CDH26: variants seen among roughly 807,000 people sequenced by gnomAD.
The protein encoded by CDH26 is cadherin 26.
A neutral mutation model predicts 90.3 loss-of-function variants in CDH26; 83 were observed. The observed-to-expected ratio is 0.92, with a 90% CI of 0.77 to 1.10. CDH26 has a LOEUF of 1.10. Ranked by LOEUF, CDH26 falls within the 50% of genes least tolerant of loss-of-function variation. CDH26 has a pLI of 0.00. For synonymous variants in CDH26, 397 were observed against 396.3 expected, an observed-to-expected ratio of 1.00 and a Z score of -0.02; for missense variants, 1,013 against 1,037.6, an observed-to-expected ratio of 0.98 and a Z score of 0.33.
intron 1 of CDH26, among the ~76,000 whole-genome samples, chr20:59,959,373 T>C (rs1190419671): frequency 6.6e-6 from 1 of 151,636 alleles, no homozygotes. Flanking sequence ...GTGTTGGGTT[T>C]ACAGGCATGA....
At chr20:60,007,990 C>A (rs2061776658) in intron 17 of CDH26, among the ~76,000 whole-genome samples, 1 of 152,168 alleles carries the variant, frequency 6.6e-6, no homozygotes, top group South Asian at 2.1e-4. Context: ...GCTGGGCAAA[C>A]CCATGGGCAG....
At chr20:60,021,210 A>T (rs969048854) in intron 7 of CDH26, among the ~76,000 whole-genome samples, 11 of 152,330 alleles carry the variant, frequency 7.2e-5, no homozygotes, top group Middle Eastern at 6.8e-3. Context: ...CTGAGTCTGA[A>T]TTGTTGGTAA....
rs1013427503 is a variant in CDH26, at chr20:60,012,387, G to T, written c.2296-140G>T. ...ATGGCTGCCACTTCTGGAACTGTAC[G>T]AACTCCTGTGTCAGCTGAGGACACG... On this transcript the variant is annotated intron_variant, in intron 17 of 17. Coordinates refer to ENST00000348616, the MANE Select transcript of CDH26 (RefSeq NM_177980.4). 3.2e-5 allele frequency: 23 copies of T among 707,790 alleles called. No homozygotes were observed. The East Asian group carries it at 6.3e-4, about 19-fold the overall frequency. The allele number at this position is 707,790 out of a possible 1,614,324, so 43.8% of individuals were successfully genotyped here.
chr20:59,996,780 T>G lies in CDH26; in HGVS notation c.2019+19T>G. ...AGCCCAGGTAGTGGAATGTCATGCTTTGTGTCTTATGGCAAGGAATTCACT... is the reference window on the plus strand; with the variant it reads ...AGCCCAGGTAGTGGAATGTCATGCTGTGTGTCTTATGGCAAGGAATTCACT... On this transcript the variant is annotated intron_variant, in intron 13 of 17. Coordinates refer to ENST00000348616, the MANE Select transcript of CDH26 (RefSeq NM_177980.4). 6.2e-7 allele frequency: 1 copy of G among 1,614,190 alleles called. No homozygotes were observed. The highest frequency in any genetic ancestry group is 2.2e-5 in the East Asian group (1 of 44,884).
chr20:59,974,500 C>G (rs986835664), intron 4 of CDH26, among the ~76,000 whole-genome samples: 3 of 152,130 alleles, frequency 2.0e-5, no homozygotes, highest in African/African-American at 7.2e-5. Context: ...GTTGGAAATG[C>G]TTGGTGCATC....
In CDH26 at chr20:59,994,311, C is replaced by T. The variant is rs750047284; in HGVS notation, c.1488C>T (p.Asn496=). Residue 496 remains asparagine, a synonymous_variant, in exon 11 of 18, where the codon AAC becomes AAT. Coordinates refer to ENST00000348616, the MANE Select transcript of CDH26 (RefSeq NM_177980.4). ...LMLFLSDIND[N]VPTLRPRSRY... is the part of the protein sequence containing the mutation. ...TCTTCCTGTCTGACATCAATGACAA[C>T]GTCCCGACTCTCCGGCCACGTTCCC... is the stretch of plus-strand genomic sequence containing the variant. 13 of 1,613,860 alleles carry T rather than the reference C, an allele frequency of 8.1e-6. No individual in the cohort carries two copies. The highest frequency in any genetic ancestry group is 1.1e-5 in the Non-Finnish European group (13 of 1,180,022).
chr20:59,965,824 A>T (rs972200048), intron 1 of CDH26, among the ~76,000 whole-genome samples: 1 of 152,220 alleles, frequency 6.6e-6, no homozygotes. Context: ...ACTCCGTTCC[A>T]TTAAAATCCA....
At chr20:60,015,010 T>A (rs2061893300), downstream of CDH26, among the ~76,000 whole-genome samples, 1 of 152,212 alleles carries the variant, frequency 6.6e-6, no homozygotes, top group Admixed American at 6.5e-5. Flanking sequence ...TGAGACAAAG[T>A]CTCACTTTAT....
At chr20:59,966,644 T>C (rs1246527454) in intron 1 of CDH26, among the ~76,000 whole-genome samples, 2 of 152,242 alleles carry the variant, frequency 1.3e-5, no homozygotes, top group East Asian at 3.8e-4. Flanking sequence ...GTTATTGTTT[T>C]GCACCATCAG....
At chr20:60,027,695 G>A (rs1601230637) in intron 7 of CDH26, among the ~76,000 whole-genome samples, 1 of 152,214 alleles carries the variant, frequency 6.6e-6, no homozygotes, top group East Asian at 1.9e-4. Flanking sequence ...CTGGCCGACA[G>A]CAGGATCTGC....
chr20:59,967,813 ATTTCTTTCTTTC>A (rs1204879152), intron 1 of CDH26, among the ~76,000 whole-genome samples: 2,024 of 43,922 alleles, frequency 0.046, 75 homozygotes, highest in East Asian at 0.093. Flanking sequence ...TCCCTCCCTC[ATTTCTTTCTTTC>A]TTTCTTTCTT....
intron 9 of CDH26, among the ~76,000 whole-genome samples, 169 bp downstream of exon 9, chr20:59,989,332 TC>T (rs1385265095): frequency 6.6e-6 from 1 of 151,326 alleles, no homozygotes; most frequent in East Asian, 1.9e-4. Flanking sequence ...ATCGAGACCA[TC>T]CTGGCTAACA....
chr20:59,983,185 C>T lies in CDH26; in HGVS notation c.541+115C>T, dbSNP rs142995525. 2.8e-5 allele frequency: 34 copies of T among 1,235,390 alleles called. No homozygotes were observed. In the East Asian group the frequency reaches 8.1e-4, roughly 30 times the overall value. The allele number at this position is 1,235,390 out of a possible 1,614,324, so 76.5% of individuals were successfully genotyped here. A position where few individuals can be genotyped will look rare whatever the true frequency, so the allele number is the denominator to read the frequency against. ...CTTCAGGGAGAGTTTTTACTGTTCA[C>T]ATCTCAAAGATCGCAGGCCTTGGAT... On this transcript the variant is annotated intron_variant, in intron 5 of 17. Transcript: ENST00000348616.
At chr20:60,001,251 AG>A in intron 14 of CDH26, 91 bp from the exon 15 acceptor site, 1 of 1,471,252 alleles carries the variant, frequency 6.8e-7, no homozygotes, top group Non-Finnish European at 9.4e-7. Context: ...TATATGAGCA[AG>A]GGGAAGTGGT....
intron 17 of CDH26, 31 bp downstream of exon 17, chr20:60,006,818 A>G (rs195005): frequency 0.085 from 132,062 of 1,554,652 alleles, 15,701 homozygotes; most frequent in African/African-American, 0.58. Context: ...GCTGTGCACT[A>G]GCTATGGGTT....
At chr20:60,009,460 A>G (rs1348766802) in intron 17 of CDH26, among the ~76,000 whole-genome samples, 1 of 152,234 alleles carries the variant, frequency 6.6e-6, no homozygotes, top group African/African-American at 2.4e-5. Context: ...GCACATGCAC[A>G]CATACCGCTC....
intron 17 of CDH26, among the ~76,000 whole-genome samples, chr20:60,007,360 A>G (rs73131338): frequency 0.049 from 7,417 of 152,320 alleles, 250 homozygotes; most frequent in Non-Finnish European, 0.073. Context: ...ACTGGGGATT[A>G]GCCCAGGAGG....
At chr20:60,000,067 T>G (rs2061655725) in intron 14 of CDH26, among the ~76,000 whole-genome samples, 1 of 152,174 alleles carries the variant, frequency 6.6e-6, no homozygotes, top group Non-Finnish European at 1.5e-5. Context: ...TGAAAACAGT[T>G]TTACTTGTAT....
At chr20:60,016,084 G>C (rs185048659), downstream of CDH26, among the ~76,000 whole-genome samples, 54 of 152,236 alleles carry the variant, frequency 3.5e-4, 1 homozygote, top group Middle Eastern at 6.8e-3. Context: ...TTTGTGCTCA[G>C]AATTGTTTTG....
Sources: gnomAD v4.1 joint callset for allele counts (sites outside exome capture counted in the v4.1 genomes callset) on GRCh38, gnomAD v4.1.1 for gene constraint, MANE v1.5 for transcripts, NCBI Gene and HGNC (gene_info 2026-07-23, HGNC 2026-07-21) for gene names.